The following ADAM12 variants were observed in gnomAD, a reference collection of about 807,000 sequenced individuals.
The protein encoded by ADAM12 is disintegrin and metalloproteinase domain-containing protein 12.
In ADAM12, 70 loss-of-function variants were observed where a neutral mutation model predicts 106.4. The observed-to-expected ratio is 0.66, with a 90% CI of 0.54 to 0.80. ADAM12 has a LOEUF of 0.80. ADAM12 is among the 30% of genes least tolerant of loss of function. The pLI is 0.00. For synonymous variants in ADAM12, 420 were observed against 433.5 expected (o/e 0.97, Z 0.39); for missense variants, 1,010 against 1,171.9 (o/e 0.86, Z 2.02).
At chr10:126,023,792 T>C (rs1251532743) in intron 21 of ADAM12, among the ~76,000 whole-genome samples, 1 of 152,184 alleles carries the variant, frequency 6.6e-6, no homozygotes, top group African/African-American at 2.4e-5. Context: ...CATTTTAAAG[T>C]GGTCTCAAAC....
intron 3 of ADAM12, among the ~76,000 whole-genome samples, chr10:126,206,857 G>GGGA (rs1957806266): frequency 7.3e-6 from 1 of 137,896 alleles, no homozygotes; most frequent in Non-Finnish European, 1.6e-5. Flanking sequence ...TGTGTTGTGG[G>GGGA]GGCGGGGGGG....
chr10:126,265,137 C>T (rs991185303), intron 3 of ADAM12, among the ~76,000 whole-genome samples: 1 of 152,146 alleles, frequency 6.6e-6, no homozygotes, highest in African/African-American at 2.4e-5. Flanking sequence ...AAATGTGGAC[C>T]CTCAGCAGGG....
In ADAM12 at chr10:126,038,226, C is replaced by G; in HGVS notation, c.2349+15G>C. ...GCATGTGTGCCCTGAGCACTCACATCTACTCAAGACTCACCTTCGGTGGGT... is the reference window on the plus strand; with the variant it reads ...GCATGTGTGCCCTGAGCACTCACATGTACTCAAGACTCACCTTCGGTGGGT... On this transcript the variant is annotated intron_variant, in intron 20 of 22. Coordinates refer to ENST00000448723, the MANE Select transcript of ADAM12 (RefSeq NM_001288973.2). The G allele has an allele frequency of 6.3e-7, 1 of 1,596,384 alleles. No individual in the cohort carries two copies. The highest frequency in any genetic ancestry group is 8.5e-7 in the Non-Finnish European group (1 of 1,169,658).
At chr10:126,263,723 T>C (rs74161627) in intron 3 of ADAM12, among the ~76,000 whole-genome samples, 5,421 of 152,298 alleles carry the variant, frequency 0.036, 338 homozygotes, top group African/African-American at 0.12. Flanking sequence ...ACCAATTAAC[T>C]GATTGAATAA....
intron 16 of ADAM12, among the ~76,000 whole-genome samples, chr10:126,048,223 T>C (rs1003667483): frequency 2.0e-5 from 3 of 152,172 alleles, no homozygotes; most frequent in Non-Finnish European, 4.4e-5. Flanking sequence ...CAAAATAATC[T>C]GTACCACAAG....
rs1564987708 is a variant in ADAM12, at chr10:126,015,842, TTATC to T, written c.*1433_*1436del. The T allele has an allele frequency of 6.6e-6, 1 of 152,230 alleles. No homozygotes were observed. The highest frequency in any genetic ancestry group is 1.5e-5 in the Non-Finnish European group (1 of 68,036). The allele number at this position is 152,230 out of a possible 1,614,324, so 9.4% of individuals were successfully genotyped here. A position where few individuals can be genotyped will look rare whatever the true frequency, so the allele number is the denominator to read the frequency against. ...GACAGAGGCATCATGGCATTTTACC[TTATC>T]TGAGTATTTTTGTATTTCTCATGCC... On this transcript the variant is annotated 3_prime_UTR_variant, in exon 23 of 23. Coordinates refer to ENST00000448723, the MANE Select transcript of ADAM12 (RefSeq NM_001288973.2).
intron 3 of ADAM12, among the ~76,000 whole-genome samples, chr10:126,163,427 T>G (rs1425454702): frequency 1.3e-5 from 2 of 152,196 alleles, no homozygotes; most frequent in Non-Finnish European, 2.9e-5. Context: ...TGAAAACGAG[T>G]ATTTAGAATT....
chr10:126,049,381 A>C lies in ADAM12; in HGVS notation c.1789T>G (p.Ser597Ala). The change falls in exon 16 of 23, where the codon TCC becomes GCC. Residue 597 changes from serine to alanine, a missense_variant. Coordinates refer to ENST00000448723, the MANE Select transcript of ADAM12 (RefSeq NM_001288973.2). The surrounding 1 kb of genome is among the most constrained non-coding windows in gnomAD (Gnocchi z 4.4). ...SRPVIGTNAV[S>A]IETNIPLQQG... Reference sequence around the variant, plus strand: ...TGCAGGGGGATGTTTGTTTCTATGGAAACGGCATTGGTACCAATGACTGGC... The same window carrying C: ...TGCAGGGGGATGTTTGTTTCTATGGCAACGGCATTGGTACCAATGACTGGC... 6.2e-7 allele frequency: 1 copy of C among 1,614,202 alleles called. No homozygotes were observed. Among genetic ancestry groups the C allele is most frequent in the Non-Finnish European group, 8.5e-7 (1 of 1,180,032 alleles).
At chr10:126,343,746 T>C (rs573972880) in intron 1 of ADAM12, among the ~76,000 whole-genome samples, 3 of 152,328 alleles carry the variant, frequency 2.0e-5, no homozygotes, top group East Asian at 1.9e-4. Flanking sequence ...TGGTATCTCA[T>C]TGTGGTTTTG....
intron 3 of ADAM12, among the ~76,000 whole-genome samples, chr10:126,175,637 C>A (rs1957206587): frequency 6.6e-6 from 1 of 152,228 alleles, no homozygotes; most frequent in African/African-American, 2.4e-5. Flanking sequence ...ATAACCTAGT[C>A]GTTTCATTCG....
At chr10:126,232,969 G>A (rs1247190521) in intron 3 of ADAM12, among the ~76,000 whole-genome samples, 1 of 152,136 alleles carries the variant, frequency 6.6e-6, no homozygotes, top group Non-Finnish European at 1.5e-5. Context: ...AGAGTCGGTG[G>A]GGAAAGATGT....
intron 2 of ADAM12, among the ~76,000 whole-genome samples, chr10:126,287,204 T>C (rs1959906188): frequency 6.6e-6 from 1 of 152,218 alleles, no homozygotes; most frequent in East Asian, 1.9e-4. Flanking sequence ...TCTGCTTCTG[T>C]GCATCTGAAT....
At chr10:126,177,050 ACACACACG>A (rs951243119) in intron 3 of ADAM12, among the ~76,000 whole-genome samples, 6 of 151,526 alleles carry the variant, frequency 4.0e-5, no homozygotes, top group African/African-American at 1.5e-4. Flanking sequence ...GTGCACACAC[ACACACACG>A]CACACACACA....
At chr10:126,188,884 C>A (rs1205275598) in intron 3 of ADAM12, among the ~76,000 whole-genome samples, 1 of 152,140 alleles carries the variant, frequency 6.6e-6, no homozygotes, top group African/African-American at 2.4e-5. Context: ...CATCCTTCAT[C>A]CTTTCATTCA....
intron 14 of ADAM12, among the ~76,000 whole-genome samples, chr10:126,051,536 C>G (rs11599697): frequency 0.12 from 13,835 of 117,946 alleles, 964 homozygotes; most frequent in Admixed American, 0.19. Flanking sequence ...CAGCCAGCCA[C>G]CCATCCATCC....
chr10:126,100,353 C>T (rs750919541), intron 9 of ADAM12, among the ~76,000 whole-genome samples: 1 of 152,086 alleles, frequency 6.6e-6, no homozygotes, highest in African/African-American at 2.4e-5. Context: ...ACCCAAAGTA[C>T]TGTCCTTAGA....
chr10:126,340,269 C>G (rs1319700377), intron 1 of ADAM12, among the ~76,000 whole-genome samples: 1 of 152,198 alleles, frequency 6.6e-6, no homozygotes, highest in African/African-American at 2.4e-5. Context: ...ATAAGGCAAA[C>G]ATGGAGTGTT....
chr10:126,298,598 A>G (rs1227860070), intron 2 of ADAM12, among the ~76,000 whole-genome samples: 1 of 152,182 alleles, frequency 6.6e-6, no homozygotes, highest in Non-Finnish European at 1.5e-5. Context: ...AGAAAACCTC[A>G]GAAGCAATAT....
intron 3 of ADAM12, among the ~76,000 whole-genome samples, chr10:126,201,554 C>T (rs756855855): frequency 6.6e-6 from 1 of 152,076 alleles, no homozygotes; most frequent in Non-Finnish European, 1.5e-5. Flanking sequence ...AGGATTTCTG[C>T]CTTCCAGAGC....
Sources: gnomAD v4.1 joint callset for allele counts (sites outside exome capture counted in the v4.1 genomes callset) on GRCh38, gnomAD v4.1.1 for gene constraint, Gnocchi (gnomAD v3.1) non-coding constraint, MANE v1.5 for transcripts, NCBI Gene and HGNC (gene_info 2026-07-23, HGNC 2026-07-21) for gene names.